PDE4A: variants seen among roughly 807,000 people sequenced by gnomAD.
PDE4A encodes phosphodiesterase 4A, also known as 3',5'-cyclic-AMP phosphodiesterase 4A.
In PDE4A, 21 loss-of-function variants were observed where a neutral mutation model predicts 73.9. The ratio of observed to expected loss-of-function variants is 0.28; its 90% CI spans 0.20 to 0.41. PDE4A has a LOEUF of 0.41. PDE4A is among the 10% of genes least tolerant of loss of function. PDE4A has a pLI of 1.00. For synonymous variants in PDE4A, 463 were observed against 505.4 expected, an observed-to-expected ratio of 0.92 and a Z score of 1.13; for missense variants, 958 against 1,211.4, an observed-to-expected ratio of 0.79 and a Z score of 3.10.
intron 1 of PDE4A, among the ~76,000 whole-genome samples, chr19:10,433,973 G>A (rs768052066): frequency 1.1e-4 from 16 of 152,214 alleles, no homozygotes; most frequent in Admixed American, 5.2e-4. Flanking sequence ...GCTCATGCCT[G>A]TAATCCCAGC....
chr19:10,449,197 T>C (rs753000782), intron 4 of PDE4A, 47 bp downstream of exon 4: 1 of 1,592,570 alleles, frequency 6.3e-7, no homozygotes, highest in Admixed American at 1.7e-5. Flanking sequence ...AGGTGAAGCA[T>C]ATGCGGGTTC....
chr19:10,419,164 G>T, upstream of PDE4A: 1 of 886,782 alleles, frequency 1.1e-6, no homozygotes, highest in Non-Finnish European at 1.3e-6. Context: ...GGCGCACGGG[G>T]GCAGGGGTCT....
At chr19:10,454,028 T>C (rs1274128560) in intron 6 of PDE4A, among the ~76,000 whole-genome samples, 2 of 152,104 alleles carry the variant, frequency 1.3e-5, no homozygotes, top group Non-Finnish European at 2.9e-5. Flanking sequence ...GGGGAGCCAA[T>C]GCCCTTTCTC....
chr19:10,417,741 G>A (rs758475398), upstream of PDE4A: 4 of 1,585,770 alleles, frequency 2.5e-6, no homozygotes, highest in South Asian at 2.3e-5. Flanking sequence ...CCTCTCGTCC[G>A]GTCCTGGCCT....
In PDE4A at chr19:10,461,660, C is replaced by T. The variant is rs951423867; in HGVS notation, c.1600C>T (p.Arg534Cys). 1 of 1,596,668 alleles carries T rather than the reference C, an allele frequency of 6.3e-7. No homozygotes were observed. Among genetic ancestry groups the T allele is most frequent in the Admixed American group, 1.7e-5 (1 of 58,566 alleles). Residue 534 changes from arginine (R) to cysteine (C), a missense_variant, in exon 12 of 15, where the codon CGC becomes TGC. Physicochemically the swap from Arg to Cys is radical, Grantham distance 180 (BLOSUM62 -3). This residue lies in a region of PDE4A where 570 missense variants were observed against 827.7 expected (regional missense o/e 0.69). Transcript: ENST00000380702. ...CAGCAAGCGCCAGCGGCAGAGCCTA[C>T]GCAAGATGGTCATCGACATGGTGGG... ...NLSKRQRQSLRKMVIDMVLAT... is the reference protein window; with the variant it reads ...NLSKRQRQSLCKMVIDMVLAT...
chr19:10,440,006 A>T (rs1380573798), intron 1 of PDE4A, among the ~76,000 whole-genome samples: 1 of 70,122 alleles, frequency 1.4e-5, no homozygotes, highest in Admixed American at 1.3e-4. Flanking sequence ...TTTTTTTGAG[A>T]CGGAGTCTTG....
chr19:10,420,698 G>A lies in PDE4A; in HGVS notation c.-67G>A, dbSNP rs944756484. On this transcript the variant is annotated 5_prime_UTR_variant, in exon 1 of 15. Transcript: ENST00000380702. The surrounding 1 kb of genome is among the most constrained non-coding windows in gnomAD (Gnocchi z 6.0). The stretch of plus-strand genomic sequence containing the variant: ...CGGGGCCCTGGGCTCGCTGGCTTGC[G>A]CGCAGCTGAGCGGGGTGTAGGTTGG... 68 of 1,394,386 alleles carry A rather than the reference G, an allele frequency of 4.9e-5. No homozygotes were observed. The highest frequency in any genetic ancestry group is 5.7e-5 in the Non-Finnish European group (62 of 1,084,834). 86.4% of individuals were successfully genotyped at this position (1,394,386 alleles called of 1,614,324 possible).
rs752630090 is a variant in PDE4A, at chr19:10,461,972, G to T, written c.1716G>T (p.Leu572=). The T allele has an allele frequency of 1.2e-6, 2 of 1,613,970 alleles. No homozygotes were observed. The highest frequency in any genetic ancestry group is 3.3e-5 in the Admixed American group (2 of 59,992). Reference sequence around the variant, plus strand: ...AAGTGACCAGCTCAGGGGTCCTCCTGCTAGATAACTACTCCGACCGCATCC... The same window carrying T: ...AAGTGACCAGCTCAGGGGTCCTCCTTCTAGATAACTACTCCGACCGCATCC... ...TKKVTSSGVL[L]LDNYSDRIQV... is the part of the protein sequence containing the mutation. The change falls in exon 13 of 15, where the codon CTG becomes CTT. Residue 572 remains leucine, a synonymous_variant. Coordinates refer to ENST00000380702, the MANE Select transcript of PDE4A (RefSeq NM_001111307.2).
In PDE4A at chr19:10,430,376, C is replaced by T. The variant is rs570468405; in HGVS notation, c.320+9292C>T. On this transcript the variant is annotated intron_variant, in intron 1 of 14. Coordinates refer to ENST00000380702, the MANE Select transcript of PDE4A (RefSeq NM_001111307.2). ...TGCCCTAGGGTTTATGAGGGTGTCT[C>T]AGAACACCTCTAAGTTGTGCTGAGA... Among the ~76,000 whole-genome samples, 211 of 151,990 alleles carry T rather than the reference C, an allele frequency of 1.4e-3. 1 individual carries two copies. The highest frequency in any genetic ancestry group is 4.9e-3 in the African/African-American group (201 of 41,426).
rs1217321479 is a variant in PDE4A, at chr19:10,453,704, T to G, written c.784-1125T>G. ...TGTCTGAGCCCAGAGCTGCCTGATA[T>G]TTTGGGGACATGTGACCCCAAATGT... On this transcript the variant is annotated intron_variant, in intron 6 of 14. Transcript: ENST00000380702. The surrounding 1 kb of genome is among the most constrained non-coding windows in gnomAD (Gnocchi z 4.6). 6.6e-6 allele frequency among the ~76,000 whole-genome samples: 1 copy of G among 152,144 alleles called. No individual in the cohort carries two copies. Among genetic ancestry groups the G allele is most frequent in the Non-Finnish European group, 1.5e-5 (1 of 68,018 alleles).
At chr19:10,420,305 A>G (rs1296010143), upstream of PDE4A, 3 of 806,414 alleles carry the variant, frequency 3.7e-6, no homozygotes, top group Admixed American at 6.2e-5. This position sits in a 1 kb window ranked among gnomAD's most constrained non-coding sequence, Gnocchi z 6.0. Flanking sequence ...GCGGCCAAGC[A>G]GGGTGCTTTG....
intron 14 of PDE4A, 163 bp downstream of exon 14, chr19:10,464,138 C>G: frequency 1.1e-6 from 1 of 894,598 alleles, no homozygotes; most frequent in Non-Finnish European, 1.7e-6. Flanking sequence ...CATTCTATTG[C>G]CCAGGCTGGA....
In PDE4A at chr19:10,450,800, A is replaced by G. The variant is rs367548985; in HGVS notation, c.671-29A>G. 7 of 1,588,810 alleles carry G rather than the reference A, an allele frequency of 4.4e-6. No homozygotes were observed. The African/African-American group carries it at 9.4e-5, about 21-fold the overall frequency. On this transcript the variant is annotated intron_variant, in intron 5 of 14. Transcript: ENST00000380702. The stretch of plus-strand genomic sequence containing the variant: ...TGGGCTTCTGCCTACAGACCTTCTC[A>G]GTCACTACCCTGGCTGCCCCTTCCT...
Position 10,424,595 on chromosome 19 carries a change from C to A in PDE4A, c.320+3511C>A, listed in dbSNP as rs2042691341. On this transcript the variant is annotated intron_variant, in intron 1 of 14. Coordinates refer to ENST00000380702, the MANE Select transcript of PDE4A (RefSeq NM_001111307.2). This position sits in a 1 kb window ranked among gnomAD's most constrained non-coding sequence, Gnocchi z 4.8. ...AAAGTCGCCGCCACCGTCGCGGCGCCCGGTATTATTATTTTATGCTTATTG... is the reference window on the plus strand; with the variant it reads ...AAAGTCGCCGCCACCGTCGCGGCGCACGGTATTATTATTTTATGCTTATTG... 6.6e-6 allele frequency among the ~76,000 whole-genome samples: 1 copy of A among 152,236 alleles called. No individual in the cohort carries two copies. The highest frequency in any genetic ancestry group is 2.1e-4 in the South Asian group (1 of 4,836).
At chr19:10,462,073 G>A in intron 13 of PDE4A, 74 bp downstream of exon 13, 1 of 1,231,136 alleles carries the variant, frequency 8.1e-7, no homozygotes, top group Non-Finnish European at 1.2e-6. Context: ...GTAGCTAACT[G>A]CCCCTTCCTC....
intron 2 of PDE4A, 89 bp downstream of exon 2, chr19:10,446,498 C>A (rs1899213393): frequency 6.8e-7 from 1 of 1,477,460 alleles, no homozygotes; most frequent in South Asian, 1.3e-5. Context: ...GGGGCACCCA[C>A]CCCTATCCTC....
intron 4 of PDE4A, 65 bp downstream of exon 4, chr19:10,449,215 A>G (rs2043056072): frequency 7.1e-6 from 11 of 1,548,166 alleles, no homozygotes; most frequent in Non-Finnish European, 9.7e-6. Flanking sequence ...TTCTGCTCTC[A>G]GCCCTGCTGT....
At position 10,461,521 on chromosome 19, in the gene PDE4A, T is replaced by C. The variant is rs2043270232; in HGVS notation, c.1466-5T>C. ...CCCTCCCCTGACCTCCGGGCTGGGC[T>C]GCAGATTCGGAGCTGGCGCTCATGT... On this transcript the variant is annotated splice_region_variant and splice_polypyrimidine_tract_variant and intron_variant, in intron 11 of 14. Transcript: ENST00000380702. 6.2e-7 allele frequency: 1 copy of C among 1,613,666 alleles called. No individual in the cohort carries two copies. Among genetic ancestry groups the C allele is most frequent in the Admixed American group, 1.7e-5 (1 of 59,994 alleles).
At chr19:10,423,360 T>C (rs566915550) in intron 1 of PDE4A, among the ~76,000 whole-genome samples, 6 of 152,112 alleles carry the variant, frequency 3.9e-5, no homozygotes, top group African/African-American at 1.4e-4. Context: ...GGTTTCACCA[T>C]GTTGGCCAGG....
Sources: allele counts gnomAD v4.1 joint callset (sites outside exome capture counted in the v4.1 genomes callset), GRCh38; gene constraint gnomAD v4.1.1; regional missense constraint gnomAD v4.1.1; non-coding constraint Gnocchi (gnomAD v3.1); transcripts MANE v1.5; gene names NCBI Gene and HGNC (gene_info 2026-07-23, HGNC 2026-07-21).